SMYD3: variants seen among roughly 807,000 people sequenced by gnomAD.
SMYD3 encodes histone-lysine N-methyltransferase SMYD3.
SMYD3 carries 36 observed loss-of-function variants against 57.7 expected under a neutral mutation model. The ratio of observed to expected loss-of-function variants is 0.62; its 90% CI spans 0.48 to 0.82. The LOEUF is 0.82. Among genes scored for constraint, SMYD3 ranks in the 40% least tolerant of loss-of-function variants. The pLI is 0.00. For synonymous variants in SMYD3, 211 were observed against 195.0 expected (o/e 1.08, Z -0.68); for missense variants, 515 against 538.8 (o/e 0.96, Z 0.44).
At chr1:246,408,436 G>A (rs758408487) in intron 1 of SMYD3, among the ~76,000 whole-genome samples, 4 of 152,094 alleles carry the variant, frequency 2.6e-5, no homozygotes, top group East Asian at 3.9e-4. Context: ...TCCTCTGCTC[G>A]GCATCTCTGG....
At chr1:246,428,365 A>T (rs1311752347) in intron 1 of SMYD3, among the ~76,000 whole-genome samples, 1 of 152,178 alleles carries the variant, frequency 6.6e-6, no homozygotes, top group Non-Finnish European at 1.5e-5. Flanking sequence ...TGCAAATAAC[A>T]AAAAAACAGA....
At chr1:246,395,592 A>AGACAGGGAAGAGGAACCCACCATGGCTG (rs1349034896) in intron 1 of SMYD3, among the ~76,000 whole-genome samples, 5 of 130,204 alleles carry the variant, frequency 3.8e-5, no homozygotes, top group Non-Finnish European at 6.8e-5. Flanking sequence ...CCCCACGGTC[A>AGACAGGGAAGAGGAACCCACCATGGCTG]GACAGGGAAG....
At chr1:245,826,854 G>T (rs1163294515) in intron 10 of SMYD3, among the ~76,000 whole-genome samples, 2 of 150,734 alleles carry the variant, frequency 1.3e-5, no homozygotes, top group African/African-American at 2.4e-5. Flanking sequence ...GATCTCAAGA[G>T]AACTCACTCA....
chr1:246,117,311 C>A (rs1034322719), intron 5 of SMYD3, among the ~76,000 whole-genome samples: 6 of 152,158 alleles, frequency 3.9e-5, no homozygotes, highest in East Asian at 3.8e-4. Flanking sequence ...CATTGCACAG[C>A]ACCTTCCGTT....
intron 5 of SMYD3, among the ~76,000 whole-genome samples, chr1:246,209,431 G>A (rs1046349564): frequency 3.3e-5 from 5 of 151,908 alleles, no homozygotes; most frequent in African/African-American, 1.2e-4. Flanking sequence ...TGGGATTCAG[G>A]GTATATATAA....
At chr1:245,846,440 T>C (rs529086645) in intron 10 of SMYD3, among the ~76,000 whole-genome samples, 4 of 152,350 alleles carry the variant, frequency 2.6e-5, no homozygotes, top group South Asian at 2.1e-4. Flanking sequence ...CCCTCTGTAG[T>C]GTAGTAATAG....
Position 246,051,372 on chromosome 1 carries a change from C to A in SMYD3, c.532-121435G>T, listed in dbSNP as rs113765291. On this transcript the variant is annotated intron_variant, in intron 5 of 11. Transcript: ENST00000490107. Reference sequence around the variant, plus strand: ...CTGAGCTCAAGCAATCCACAAGCCTCTGCTTCTGAAAGTGCTGGGATTATA... The same window carrying A: ...CTGAGCTCAAGCAATCCACAAGCCTATGCTTCTGAAAGTGCTGGGATTATA... Among the ~76,000 whole-genome samples the A allele has an allele frequency of 5.3e-4, 80 of 152,214 alleles. 1 individual carries two copies. Among genetic ancestry groups the A allele is most frequent in the African/African-American group, 1.9e-3 (78 of 41,546 alleles).
At chr1:246,002,637 A>G (rs71533453) in intron 5 of SMYD3, among the ~76,000 whole-genome samples, 59,694 of 61,516 alleles carry the variant, frequency 0.97, 28,976 homozygotes, top group East Asian at 0.98. Context: ...TATTTTTAGT[A>G]GAGACGGGGT....
chr1:245,799,322 G>A (rs1242294210), intron 10 of SMYD3, among the ~76,000 whole-genome samples: 2 of 152,186 alleles, frequency 1.3e-5, no homozygotes, highest in Non-Finnish European at 2.9e-5. Context: ...CATGTCTGAT[G>A]CACTCAGTTC....
chr1:246,138,933 G>A (rs1310577072), intron 5 of SMYD3, among the ~76,000 whole-genome samples: 2 of 152,070 alleles, frequency 1.3e-5, no homozygotes, highest in Admixed American at 6.6e-5. Context: ...AGGGACCCAG[G>A]GGACAGAGCC....
At chr1:246,267,930 G>A (rs1433847774) in intron 5 of SMYD3, among the ~76,000 whole-genome samples, 1 of 152,118 alleles carries the variant, frequency 6.6e-6, no homozygotes, top group Admixed American at 6.5e-5. Flanking sequence ...GATCATTTCT[G>A]TCTTTTCCTA....
chr1:246,185,542 A>G (rs1356159666), intron 5 of SMYD3, among the ~76,000 whole-genome samples: 1 of 148,426 alleles, frequency 6.7e-6, no homozygotes, highest in Non-Finnish European at 1.5e-5. Context: ...GCTCACTGCA[A>G]GCTCCGCCTC....
chr1:245,786,076 C>CTTTTT (rs11457106), intron 10 of SMYD3, among the ~76,000 whole-genome samples: 1 of 123,256 alleles, frequency 8.1e-6, no homozygotes, highest in African/African-American at 3.2e-5. Flanking sequence ...AGAAGTTTTG[C>CTTTTT]TTTTTTTTTT....
chr1:246,480,227 T>C (rs2068083744), intron 1 of SMYD3, among the ~76,000 whole-genome samples: 1 of 152,248 alleles, frequency 6.6e-6, no homozygotes, highest in South Asian at 2.1e-4. Context: ...TTGACCATCC[T>C]GGCCTCAAGT....
intron 10 of SMYD3, among the ~76,000 whole-genome samples, chr1:245,815,479 G>T (rs1355903702): frequency 1.3e-5 from 2 of 152,226 alleles, no homozygotes; most frequent in Non-Finnish European, 2.9e-5. Flanking sequence ...ATGACACATG[G>T]ATCCCAGATC....
chr1:245,985,208 C>T (rs1016564851), intron 5 of SMYD3, among the ~76,000 whole-genome samples: 3 of 152,104 alleles, frequency 2.0e-5, no homozygotes, highest in Admixed American at 6.5e-5. Context: ...GGGACCTGTC[C>T]TTGGCTCTCG....
chr1:245,810,810 T>C (rs948896520), intron 10 of SMYD3, among the ~76,000 whole-genome samples: 1 of 152,070 alleles, frequency 6.6e-6, no homozygotes, highest in African/African-American at 2.4e-5. Context: ...AATTGAAATA[T>C]GGGCACGATG....
intron 5 of SMYD3, among the ~76,000 whole-genome samples, chr1:245,983,465 G>A (rs1008356968): frequency 1.9e-4 from 29 of 152,142 alleles, no homozygotes; most frequent in South Asian, 6.2e-4. Context: ...AGTCCAGCAC[G>A]TGGCCCCCTG....
At chr1:246,123,649 T>C (rs2061460322) in intron 5 of SMYD3, among the ~76,000 whole-genome samples, 1 of 151,146 alleles carries the variant, frequency 6.6e-6, no homozygotes, top group Admixed American at 6.6e-5. Context: ...TTCCTAATGG[T>C]GGCAGTCCTT....
Sources: allele counts gnomAD v4.1 joint callset (sites outside exome capture counted in the v4.1 genomes callset), GRCh38; gene constraint gnomAD v4.1.1; transcripts MANE v1.5; gene names NCBI Gene and HGNC (gene_info 2026-07-23, HGNC 2026-07-21).